Variants in DTNBP1 observed in about 807,000 individuals in gnomAD.
The protein encoded by DTNBP1 is dystrobrevin binding protein 1.
In DTNBP1, 35 loss-of-function variants were observed where a neutral mutation model predicts 42.8. The ratio of observed to expected loss-of-function variants is 0.82; its 90% CI spans 0.63 to 1.09. The LOEUF (loss-of-function observed/expected upper bound fraction) is 1.09, where lower values mean the gene tolerates loss of function less well. Ranked by LOEUF, DTNBP1 falls within the 50% of genes least tolerant of loss-of-function variation. DTNBP1 has a pLI of 0.00. For missense variants in DTNBP1, 457 were observed against 424.2 expected (o/e 1.08, Z -0.68); for synonymous variants, 171 against 162.2 (o/e 1.05, Z -0.41).
chr6:15,592,855 T>C (rs1776354161), intron 7 of DTNBP1, among the ~76,000 whole-genome samples: 1 of 152,178 alleles, frequency 6.6e-6, no homozygotes, highest in Admixed American at 6.5e-5. Context: ...TAAAGGTCAT[T>C]AGCAGGAACT....
intron 5 of DTNBP1, among the ~76,000 whole-genome samples, chr6:15,623,507 A>G (rs556680874): frequency 3.4e-4 from 51 of 152,202 alleles, no homozygotes; most frequent in Non-Finnish European, 5.1e-4. Flanking sequence ...AGCTATGATC[A>G]CATCACCATG....
At chr6:15,566,167 T>C (rs1775065823) in intron 7 of DTNBP1, among the ~76,000 whole-genome samples, 1 of 151,422 alleles carries the variant, frequency 6.6e-6, no homozygotes, top group South Asian at 2.1e-4. Context: ...ACAAAAAAAT[T>C]AGCCGGGCGT....
At chr6:15,661,001 C>T (rs749507654) in intron 1 of DTNBP1, among the ~76,000 whole-genome samples, 1 of 152,134 alleles carries the variant, frequency 6.6e-6, no homozygotes, top group African/African-American at 2.4e-5. Flanking sequence ...GAACAAAATG[C>T]AAGCACGCAA....
chr6:15,658,213 GCCTAGT>G (rs1280406814), intron 1 of DTNBP1, among the ~76,000 whole-genome samples: 1 of 152,194 alleles, frequency 6.6e-6, no homozygotes, highest in African/African-American at 2.4e-5. Flanking sequence ...CACTTTGAGT[GCCTAGT>G]CTAATGTCTG....
chr6:15,584,025 A>C (rs1775949995), intron 7 of DTNBP1, among the ~76,000 whole-genome samples: 1 of 152,192 alleles, frequency 6.6e-6, no homozygotes, highest in Admixed American at 6.5e-5. Context: ...TCCGTCTTAG[A>C]AATAAACTGT....
rs757653685 is a variant in DTNBP1 at position 15,662,845 on chromosome 6, G to A, written c.25C>T (p.Leu9=). The A allele has an allele frequency of 6.2e-7, 1 of 1,609,314 alleles. No homozygotes were observed. The highest frequency in any genetic ancestry group is 1.1e-5 in the South Asian group (1 of 91,070). Residue 9 remains leucine (L), a synonymous_variant, in exon 1 of 10, where the codon CTG becomes TTG. Coordinates refer to ENST00000344537, the MANE Select transcript of DTNBP1 (RefSeq NM_032122.5). ...GTGAAATCCTGCTGCACGCTCAGCAGCCGCTCGCGAAGGGTCTCCAGCATT... is the reference window on the plus strand; with the variant it reads ...GTGAAATCCTGCTGCACGCTCAGCAACCGCTCGCGAAGGGTCTCCAGCATT... MLETLRER[L]LSVQQDFTSG...
intron 8 of DTNBP1, among the ~76,000 whole-genome samples, chr6:15,532,115 G>A (rs1349830854): frequency 1.3e-5 from 2 of 152,176 alleles, no homozygotes; most frequent in African/African-American, 4.8e-5. Flanking sequence ...AAGATGATGA[G>A]ACGTTCAGGA....
At chr6:15,634,940 A>G (rs1364906407) in intron 4 of DTNBP1, among the ~76,000 whole-genome samples, 9 of 152,150 alleles carry the variant, frequency 5.9e-5, no homozygotes, top group African/African-American at 2.2e-4. Flanking sequence ...TTCCTGAATT[A>G]CATTCTTTAG....
At chr6:15,566,314 CAAAA>C (rs34136394) in intron 7 of DTNBP1, among the ~76,000 whole-genome samples, 5 of 90,456 alleles carry the variant, frequency 5.5e-5, no homozygotes, top group Non-Finnish European at 6.9e-5. Context: ...GACTCCGTCT[CAAAA>C]AAAAAAAAAA....
Position 15,651,334 on chromosome 6 carries a change from G to T in DTNBP1, c.140C>A (p.Ala47Asp), listed in dbSNP as rs762448405. The change falls in exon 3 of 10, where the codon GCT (alanine) becomes GAT (aspartate). Residue 47 changes from alanine (A) to aspartate (D), a missense_variant. Ala to Asp is a moderately radical substitution (Grantham distance 126, BLOSUM62 -2). Transcript: ENST00000344537. ...RTVPFLPKYS[A>D]GLELLSRYED... ...TTACCTGCTAAGTAATTCTAATCCAGCAGAGTACTTTGGCAAAAATGGAAC... is the reference window on the plus strand; with the variant it reads ...TTACCTGCTAAGTAATTCTAATCCATCAGAGTACTTTGGCAAAAATGGAAC... 6.2e-7 allele frequency: 1 copy of T among 1,610,932 alleles called. No homozygotes were observed. Among genetic ancestry groups the T allele is most frequent in the Admixed American group, 1.7e-5 (1 of 59,916 alleles).
At chr6:15,599,220 T>G (rs1335952586) in intron 6 of DTNBP1, among the ~76,000 whole-genome samples, 1 of 152,172 alleles carries the variant, frequency 6.6e-6, no homozygotes, top group Admixed American at 6.5e-5. Flanking sequence ...TAAGGAAAGA[T>G]GAGACAGGGG....
rs1245669498 is a variant in DTNBP1 at position 15,662,852 on chromosome 6, G to C, written c.18C>G (p.Arg6=). 43 of 1,608,578 alleles carry C rather than the reference G, an allele frequency of 2.7e-5. No individual in the cohort carries two copies. Among genetic ancestry groups the C allele is most frequent in the Non-Finnish European group, 3.6e-5 (43 of 1,179,508 alleles). MLETL[R]ERLLSVQQDF... ...CCTGCTGCACGCTCAGCAGCCGCTC[G>C]CGAAGGGTCTCCAGCATTGCCGCCG... The change falls in exon 1 of 10, where the codon CGC becomes CGG. Residue 6 remains arginine (R), a synonymous_variant. Transcript: ENST00000344537.
At chr6:15,532,459 T>C (rs1772911838) in intron 8 of DTNBP1, among the ~76,000 whole-genome samples, 1 of 152,190 alleles carries the variant, frequency 6.6e-6, no homozygotes, top group Non-Finnish European at 1.5e-5. Context: ...TCTTATAGTA[T>C]TTTTAACAAC....
intron 5 of DTNBP1, among the ~76,000 whole-genome samples, 155 bp from the exon 6 acceptor site, chr6:15,615,554 C>T (rs556163305): frequency 5.3e-5 from 8 of 152,300 alleles, no homozygotes; most frequent in Admixed American, 5.2e-4. Context: ...ATAAAATATA[C>T]TGGCCAACAT....
rs1164961194 is a variant in DTNBP1, at chr6:15,651,359, C to T, written c.115G>A (p.Val39Ile). 6 of 1,609,862 alleles carry T rather than the reference C, an allele frequency of 3.7e-6. No individual in the cohort carries two copies. The highest frequency in any genetic ancestry group is 5.1e-6 in the Non-Finnish European group (6 of 1,179,262). The change falls in exon 3 of 10, where the codon GTT becomes ATT. Residue 39 changes from valine (V) to isoleucine (I), a missense_variant. Transcript: ENST00000344537. The stretch of plus-strand genomic sequence containing the variant: ...GCAGAGTACTTTGGCAAAAATGGAA[C>T]AGTCCTGCCCAAAAGAAACACTTAT... ...EAKVKSKPRT[V>I]PFLPKYSAGL...
intron 7 of DTNBP1, among the ~76,000 whole-genome samples, chr6:15,548,011 T>C (rs1773982661): frequency 6.6e-6 from 1 of 152,124 alleles, no homozygotes. Flanking sequence ...AAAGTGAATA[T>C]GGCAACAAAT....
Position 15,662,925 on chromosome 6 carries a change from C to A in DTNBP1, c.-56G>T. The A allele has an allele frequency of 6.3e-7, 1 of 1,595,662 alleles. No homozygotes were observed. The stretch of plus-strand genomic sequence containing the variant: ...CCTCGGGCTGCTGCTGCCTCTGTCG[C>A]CCCCTGGGTCCCACGCCGCCAACCC... On this transcript the variant is annotated 5_prime_UTR_variant, in exon 1 of 10. Transcript: ENST00000344537.
intron 1 of DTNBP1, among the ~76,000 whole-genome samples, chr6:15,661,108 AGTTT>A (rs1260990561): frequency 2.6e-5 from 4 of 152,268 alleles, no homozygotes; most frequent in Admixed American, 6.5e-5. Flanking sequence ...AGCGTTTGAC[AGTTT>A]GTTATTCAAC....
intron 5 of DTNBP1, among the ~76,000 whole-genome samples, chr6:15,617,163 A>T (rs1422584124): frequency 1.3e-5 from 2 of 152,288 alleles, no homozygotes; most frequent in Non-Finnish European, 1.5e-5. Flanking sequence ...GGAGTTTCAG[A>T]TCAAGGGGAT....
Sources: gnomAD v4.1 joint callset for allele counts (sites outside exome capture counted in the v4.1 genomes callset) on GRCh38, gnomAD v4.1.1 for gene constraint, MANE v1.5 for transcripts, NCBI Gene and HGNC (gene_info 2026-07-23, HGNC 2026-07-21) for gene names.